Variants in DIPK1A observed in about 807,000 individuals in gnomAD.
The protein encoded by DIPK1A is divergent protein kinase domain 1A.
A neutral mutation model predicts 40.8 loss-of-function variants in DIPK1A; 27 were observed. The ratio of observed to expected loss-of-function variants is 0.66; its 90% CI spans 0.49 to 0.91. DIPK1A has a LOEUF of 0.91. DIPK1A is among the 40% of genes least tolerant of loss of function. The pLI, the probability that DIPK1A is intolerant of heterozygous loss-of-function variation, is 0.00. For synonymous variants in DIPK1A, 166 were observed against 171.3 expected, an observed-to-expected ratio of 0.97 and a Z score of 0.24; for missense variants, 412 against 505.7, an observed-to-expected ratio of 0.81 and a Z score of 1.78.
At chr1:92,907,442 T>TA (rs1649668897) in intron 1 of DIPK1A, among the ~76,000 whole-genome samples, 1 of 152,074 alleles carries the variant, frequency 6.6e-6, no homozygotes, top group Non-Finnish European at 1.5e-5. Flanking sequence ...TTTTTTTAAT[T>TA]AAAAAAAGTT....
At chr1:92,890,985 A>C (rs1226941703) in intron 1 of DIPK1A, among the ~76,000 whole-genome samples, 1 of 152,092 alleles carries the variant, frequency 6.6e-6, no homozygotes, top group African/African-American at 2.4e-5. Context: ...TCATAGATTC[A>C]ATCTCATTAC....
intron 1 of DIPK1A, among the ~76,000 whole-genome samples, chr1:92,928,777 C>G (rs746601599): frequency 1.3e-5 from 2 of 152,138 alleles, no homozygotes; most frequent in Non-Finnish European, 2.9e-5. Context: ...GCCTGGCCAA[C>G]ATGGCAAAAC....
rs141225911 is a variant in DIPK1A, at chr1:92,860,159, T to C, written c.190-9204A>G. Among the ~76,000 whole-genome samples, 12 of 152,316 alleles carry C rather than the reference T, an allele frequency of 7.9e-5. No homozygotes were observed. In the East Asian group the frequency reaches 2.3e-3, roughly 29 times the overall value. On this transcript the variant is annotated intron_variant, in intron 2 of 4. Coordinates refer to ENST00000370310, the MANE Select transcript of DIPK1A (RefSeq NM_001006605.5). ...AGAGGTTTTAAGAACTAGTTGAGGCTATAATCTTTACCTTTAGGGAGGTAC... is the reference window on the plus strand; with the variant it reads ...AGAGGTTTTAAGAACTAGTTGAGGCCATAATCTTTACCTTTAGGGAGGTAC...
intron 2 of DIPK1A, among the ~76,000 whole-genome samples, chr1:92,851,561 AAC>A: frequency 1.1e-5 from 1 of 93,124 alleles, no homozygotes; most frequent in Middle Eastern, 5.2e-3. Context: ...AAAAAAAAAA[AAC>A]TTCTGGTTTT....
chr1:92,909,163 G>T (rs1056211135), intron 1 of DIPK1A, among the ~76,000 whole-genome samples: 2 of 152,102 alleles, frequency 1.3e-5, no homozygotes, highest in African/African-American at 4.8e-5. Context: ...GAAATAAAAT[G>T]TTATGACTAC....
chr1:92,840,869 AT>A, downstream of DIPK1A: 1 of 634,534 alleles, frequency 1.6e-6, no homozygotes, highest in Non-Finnish European at 2.9e-6. Context: ...TGGTTACTGC[AT>A]TTTTTTATTG....
intron 1 of DIPK1A, among the ~76,000 whole-genome samples, chr1:92,914,498 G>A (rs962006788): frequency 3.0e-4 from 45 of 152,036 alleles, no homozygotes; most frequent in African/African-American, 1.0e-3. Context: ...GGCCAGGCAC[G>A]GTGGCTCTCG....
At chr1:92,872,635 C>T (rs1647929085) in intron 2 of DIPK1A, among the ~76,000 whole-genome samples, 1 of 152,070 alleles carries the variant, frequency 6.6e-6, no homozygotes, top group African/African-American at 2.4e-5. Context: ...AGAGGGTTTC[C>T]TTCTGTCTAG....
intron 1 of DIPK1A, among the ~76,000 whole-genome samples, chr1:92,911,090 T>C (rs1056281855): frequency 1.3e-5 from 2 of 152,348 alleles, no homozygotes; most frequent in Non-Finnish European, 2.9e-5. Flanking sequence ...TCGGCAAGCA[T>C]AATTCCCTGG....
chr1:92,844,453 C>T (rs973104784), intron 4 of DIPK1A, among the ~76,000 whole-genome samples: 1 of 152,186 alleles, frequency 6.6e-6, no homozygotes, highest in Admixed American at 6.5e-5. Context: ...ACTCCCCTGT[C>T]CCCTTCAGGC....
At chr1:92,882,967 G>T (rs954710144) in intron 1 of DIPK1A, among the ~76,000 whole-genome samples, 23 of 152,236 alleles carry the variant, frequency 1.5e-4, no homozygotes, top group African/African-American at 5.5e-4. Context: ...CTCTAACTCG[G>T]TTGTGCCAGG....
intron 1 of DIPK1A, among the ~76,000 whole-genome samples, chr1:92,960,469 T>G (rs1363253553): frequency 6.6e-6 from 1 of 152,154 alleles, no homozygotes; most frequent in Non-Finnish European, 1.5e-5. Context: ...GGCATTGATT[T>G]GTAGTTGTTT....
chr1:92,931,929 G>T, intron 1 of DIPK1A: 1 of 243,446 alleles, frequency 4.1e-6, no homozygotes, highest in Non-Finnish European at 9.1e-6. Flanking sequence ...AATGTGACCC[G>T]CAAGTTGTTG....
At chr1:92,865,323 A>AGTGAG (rs1378452213) in intron 2 of DIPK1A, among the ~76,000 whole-genome samples, 18 of 152,146 alleles carry the variant, frequency 1.2e-4, no homozygotes, top group Non-Finnish European at 2.5e-4. Context: ...TGATCCTGCC[A>AGTGAG]CTACACTCCA....
intron 2 of DIPK1A, among the ~76,000 whole-genome samples, chr1:92,873,941 A>G (rs1017478373): frequency 6.6e-6 from 1 of 152,160 alleles, no homozygotes; most frequent in Non-Finnish European, 1.5e-5. Context: ...TTGTGATACA[A>G]TATTAGTACT....
intron 1 of DIPK1A, among the ~76,000 whole-genome samples, chr1:92,949,132 C>T (rs1651523308): frequency 6.6e-6 from 1 of 151,904 alleles, no homozygotes; most frequent in South Asian, 2.1e-4. Flanking sequence ...AACGATTTGA[C>T]ATTCTTCTTA....
exon 5 of DIPK1A, chr1:92,832,979 G>A (rs764452993): frequency 6.9e-6 from 5 of 729,508 alleles, no homozygotes; most frequent in Middle Eastern, 4.5e-4. Flanking sequence ...TGGCATCACT[G>A]ATTGCTGTCT....
At chr1:92,928,823 G>A (rs572864040) in intron 1 of DIPK1A, among the ~76,000 whole-genome samples, 22 of 152,216 alleles carry the variant, frequency 1.4e-4, no homozygotes, top group African/African-American at 4.8e-4. Context: ...TCAGCTGGGC[G>A]TGGTGGTGCA....
chr1:92,881,295 G>A (rs1473003851), intron 1 of DIPK1A, among the ~76,000 whole-genome samples: 1 of 118,932 alleles, frequency 8.4e-6, no homozygotes, highest in East Asian at 2.5e-4. Flanking sequence ...ATACACAAAT[G>A]TTCTTAATTT....
Sources: gnomAD v4.1 joint callset for allele counts (sites outside exome capture counted in the v4.1 genomes callset) on GRCh38, gnomAD v4.1.1 for gene constraint, MANE v1.5 for transcripts, NCBI Gene and HGNC (gene_info 2026-07-23, HGNC 2026-07-21) for gene names.